The following SIK3 variants were observed in gnomAD, a reference collection of about 807,000 sequenced individuals.
SIK3 encodes the protein SIK family kinase 3.
In SIK3, 28 loss-of-function variants were observed where a neutral mutation model predicts 144.2. The ratio of observed to expected loss-of-function variants is 0.19; its 90% CI spans 0.14 to 0.27. The LOEUF is 0.27. SIK3 is among the 10% of genes least tolerant of loss of function. The pLI is 1.00. For synonymous variants in SIK3, 686 were observed against 676.3 expected, an observed-to-expected ratio of 1.01 and a Z score of -0.22; for missense variants, 1,319 against 1,776.0, an observed-to-expected ratio of 0.74 and a Z score of 4.62.
At chr11:116,970,995 A>G (rs1949747864) in intron 1 of SIK3, among the ~76,000 whole-genome samples, 1 of 152,200 alleles carries the variant, frequency 6.6e-6, no homozygotes, top group South Asian at 2.1e-4. Context: ...CCATATGATA[A>G]TAAGCAGAAA....
intron 1 of SIK3, among the ~76,000 whole-genome samples, chr11:117,022,308 T>C (rs902502764): frequency 6.6e-6 from 1 of 152,166 alleles, no homozygotes; most frequent in Non-Finnish European, 1.5e-5. Flanking sequence ...ATTTAATATC[T>C]ATGCATTTCC....
intron 1 of SIK3, chr11:117,035,884 A>G (rs1472233918): frequency 6.3e-7 from 1 of 1,596,544 alleles, no homozygotes; most frequent in African/African-American, 1.3e-5. Context: ...AGCAGCCAAC[A>G]CACAAAACTA....
chr11:117,088,135 G>T (rs1165648393), intron 1 of SIK3, among the ~76,000 whole-genome samples: 1 of 152,168 alleles, frequency 6.6e-6, no homozygotes, highest in Non-Finnish European at 1.5e-5. Flanking sequence ...TACTCAGGAG[G>T]CTGAAGTAGA....
At chr11:116,901,117 G>A (rs1409340622) in intron 4 of SIK3, among the ~76,000 whole-genome samples, 3 of 152,096 alleles carry the variant, frequency 2.0e-5, no homozygotes, top group South Asian at 2.1e-4. Flanking sequence ...AGCCCACCTC[G>A]GCCTCCCAAA....
intron 4 of SIK3, among the ~76,000 whole-genome samples, chr11:116,903,030 T>C (rs542136299): frequency 1.8e-4 from 28 of 152,370 alleles, no homozygotes; most frequent in African/African-American, 6.7e-4. Flanking sequence ...ATGCATCTTG[T>C]AAGTTAAAAT....
At chr11:117,040,026 G>T (rs1030268997) in intron 1 of SIK3, among the ~76,000 whole-genome samples, 1 of 152,144 alleles carries the variant, frequency 6.6e-6, no homozygotes, top group Non-Finnish European at 1.5e-5. Context: ...CTGAACTCTA[G>T]CTAATTGTTC....
chr11:117,033,204 T>C (rs1007882409), intron 1 of SIK3, among the ~76,000 whole-genome samples: 2 of 152,226 alleles, frequency 1.3e-5, no homozygotes, highest in Admixed American at 1.3e-4. Context: ...AGTATACATA[T>C]GCTGCACTCC....
chr11:116,876,393 C>G (rs752809142), intron 7 of SIK3, 30 bp from the exon 8 acceptor site: 66 of 1,537,098 alleles, frequency 4.3e-5, no homozygotes, highest in Non-Finnish European at 5.7e-5. Context: ...AAGCTGTCAA[C>G]CCCCCAATTA....
chr11:117,071,556 C>T (rs1357808494), intron 1 of SIK3, among the ~76,000 whole-genome samples: 7 of 151,862 alleles, frequency 4.6e-5, no homozygotes, highest in Non-Finnish European at 1.0e-4. Context: ...GTAGATGAAA[C>T]AGAAGGATAA....
intron 1 of SIK3, among the ~76,000 whole-genome samples, chr11:116,986,527 G>A (rs2135538088): frequency 6.6e-6 from 1 of 152,230 alleles, no homozygotes; most frequent in South Asian, 2.1e-4. Flanking sequence ...TTCAACAGAT[G>A]ACTTAGCTTT....
chr11:116,892,953 A>G (rs1471957938), intron 6 of SIK3, among the ~76,000 whole-genome samples: 1 of 152,196 alleles, frequency 6.6e-6, no homozygotes, highest in East Asian at 1.9e-4. Flanking sequence ...GAAAAACACC[A>G]ATCTGAAAAG....
At chr11:117,021,302 T>C (rs1565564971) in intron 1 of SIK3, among the ~76,000 whole-genome samples, 1 of 151,992 alleles carries the variant, frequency 6.6e-6, no homozygotes. Context: ...AAAAGAAAAA[T>C]GGAATCACAG....
chr11:116,862,744 C>A (rs1013850410), intron 16 of SIK3, among the ~76,000 whole-genome samples: 1 of 152,128 alleles, frequency 6.6e-6, no homozygotes, highest in Non-Finnish European at 1.5e-5. Flanking sequence ...TAACAATGTA[C>A]AGCAGGTTTA....
intron 2 of SIK3, among the ~76,000 whole-genome samples, chr11:116,954,572 T>TA (rs1345026701): frequency 6.6e-6 from 1 of 152,146 alleles, no homozygotes. Context: ...TTCTTTTTTT[T>TA]ATAGAAATGA....
chr11:116,866,983 T>C (rs750491970), intron 15 of SIK3, among the ~76,000 whole-genome samples: 18 of 152,226 alleles, frequency 1.2e-4, no homozygotes, highest in Non-Finnish European at 2.4e-4. Flanking sequence ...GCTGATTATG[T>C]TGATGCCAAA....
At chr11:116,947,269 T>C (rs936231925) in intron 3 of SIK3, among the ~76,000 whole-genome samples, 9 of 117,546 alleles carry the variant, frequency 7.7e-5, no homozygotes, top group Admixed American at 4.1e-4. Flanking sequence ...ATATTATATA[T>C]ATATATAAAG....
chr11:116,916,712 G>A lies in SIK3; in HGVS notation c.616+10507C>T, dbSNP rs557949765. Among the ~76,000 whole-genome samples, 624 of 150,924 alleles carry A rather than the reference G, an allele frequency of 4.1e-3. 7 individuals carry two copies. The highest frequency in any genetic ancestry group is 6.0e-3 in the Non-Finnish European group (404 of 67,624). Reference sequence around the variant, plus strand: ...TTTTTAGTAGAGACGGGGTTTCACCGTGTTAGCCAGGATGGTCTCGATCTC... The same window carrying A: ...TTTTTAGTAGAGACGGGGTTTCACCATGTTAGCCAGGATGGTCTCGATCTC... On this transcript the variant is annotated intron_variant, in intron 4 of 24. Coordinates refer to ENST00000445177, the MANE Select transcript of SIK3 (RefSeq NM_001366686.3).
chr11:117,035,831 G>A (rs903839288), intron 1 of SIK3: 54 of 1,560,596 alleles, frequency 3.5e-5, no homozygotes, highest in Non-Finnish European at 4.5e-5. Context: ...ACATCCTTCT[G>A]TAAGCCTTGC....
At chr11:116,987,332 A>C (rs4938322) in intron 1 of SIK3, among the ~76,000 whole-genome samples, 8 of 151,130 alleles carry the variant, frequency 5.3e-5, no homozygotes, top group African/African-American at 1.2e-4. Context: ...AAAAAAAAAA[A>C]AAAAAACACA....
Sources: gnomAD v4.1 joint callset for allele counts (sites outside exome capture counted in the v4.1 genomes callset) on GRCh38, gnomAD v4.1.1 for gene constraint, MANE v1.5 for transcripts, NCBI Gene and HGNC (gene_info 2026-07-23, HGNC 2026-07-21) for gene names.